Variants in ART1 observed in about 807,000 individuals in gnomAD.
ART1 encodes the protein ADP-ribosyltransferase 1.
A neutral mutation model predicts 27.0 loss-of-function variants in ART1; 29 were observed. The ratio of observed to expected loss-of-function variants is 1.08; its 90% CI spans 0.80 to 1.47. ART1 has a LOEUF of 1.47. Ranked by LOEUF, ART1 falls within the 40% of genes most tolerant of loss-of-function variation. ART1 has a pLI of 0.00. For synonymous variants in ART1, 201 were observed against 172.2 expected, an observed-to-expected ratio of 1.17 and a Z score of -1.31; for missense variants, 480 against 423.0, an observed-to-expected ratio of 1.13 and a Z score of -1.18.
At chr11:3,654,949 G>T (rs1349074989) in intron 1 of ART1, among the ~76,000 whole-genome samples, 1 of 152,236 alleles carries the variant, frequency 6.6e-6, no homozygotes, top group Non-Finnish European at 1.5e-5. Flanking sequence ...GAGACACAAT[G>T]AGAGATACAG....
intron 1 of ART1, among the ~76,000 whole-genome samples, chr11:3,647,452 A>G (rs1296237102): frequency 6.6e-6 from 1 of 152,042 alleles, no homozygotes; most frequent in Non-Finnish European, 1.5e-5. Flanking sequence ...CTTGGTCAAC[A>G]TGGCAAAACC....
In ART1 at chr11:3,658,364, A is replaced by T. The variant is rs546882458; in HGVS notation, c.-52-798A>T. Among the ~76,000 whole-genome samples the T allele has an allele frequency of 6.4e-3, 975 of 151,702 alleles. 9 individuals carry two copies. Among genetic ancestry groups the T allele is most frequent in the Non-Finnish European group, 0.011 (726 of 67,876 alleles). ...AAAAAAAAAAAGAGAGAGAAAGAAA[A>T]AAAAGGAAACTGCCTGCTCCAATCC... On this transcript the variant is annotated intron_variant, in intron 1 of 4. Transcript: ENST00000250693.
chr11:3,656,373 T>TATTG (rs2077574508), intron 1 of ART1, among the ~76,000 whole-genome samples: 1 of 120,666 alleles, frequency 8.3e-6, no homozygotes, highest in African/African-American at 2.5e-5. Flanking sequence ...TTTATTTATT[T>TATTG]ATTTATTTAT....
chr11:3,648,089 C>T (rs1186634157), intron 1 of ART1, among the ~76,000 whole-genome samples: 3 of 152,252 alleles, frequency 2.0e-5, no homozygotes, highest in East Asian at 1.9e-4. Context: ...CAAAAGCTCC[C>T]CTACTGAGCA....
At chr11:3,656,014 C>T (rs1253841895) in intron 1 of ART1, among the ~76,000 whole-genome samples, 1 of 148,024 alleles carries the variant, frequency 6.8e-6, no homozygotes, top group Non-Finnish European at 1.5e-5. Flanking sequence ...GTCACTGCAA[C>T]CTCCACCTCC....
chr11:3,651,058 T>G (rs185198091), intron 1 of ART1, among the ~76,000 whole-genome samples: 4 of 152,234 alleles, frequency 2.6e-5, no homozygotes, highest in African/African-American at 9.6e-5. Context: ...CAGACAAGGC[T>G]TACAGGTTAG....
intron 1 of ART1, among the ~76,000 whole-genome samples, chr11:3,646,353 C>G: frequency 6.6e-6 from 1 of 152,170 alleles, no homozygotes; most frequent in South Asian, 2.1e-4. Context: ...ACCCCTATCT[C>G]ACCCAGCATT....
At chr11:3,646,809 CT>C (rs1443056659) in intron 1 of ART1, among the ~76,000 whole-genome samples, 1 of 152,182 alleles carries the variant, frequency 6.6e-6, no homozygotes, top group African/African-American at 2.4e-5. Flanking sequence ...ACCATTTCCC[CT>C]CCAAACCCGA....
At position 3,663,962 on chromosome 11, in the gene ART1, C is replaced by T. The variant is rs1024624165; in HGVS notation, c.887-130C>T. On this transcript the variant is annotated intron_variant, in intron 4 of 4. Coordinates refer to ENST00000250693, the MANE Select transcript of ART1 (RefSeq NM_004314.3). ...TGTTGCCCGTGGCAGTTTTGTGTAT[C>T]AGTCTGTCCAGCTCACTCTGCCAAT... 21 of 759,438 alleles carry T rather than the reference C, an allele frequency of 2.8e-5. No individual in the cohort carries two copies. In the African/African-American group the frequency reaches 2.8e-4, roughly 10 times the overall value. 47.0% of individuals were successfully genotyped at this position (759,438 alleles called of 1,614,324 possible).
intron 1 of ART1, among the ~76,000 whole-genome samples, chr11:3,651,006 T>A (rs1330325431): frequency 6.6e-6 from 1 of 151,972 alleles, no homozygotes; most frequent in African/African-American, 2.4e-5. Context: ...TTAAAGCCTA[T>A]AAACTCTCCT....
chr11:3,659,485 C>T (rs1023283738), intron 2 of ART1, 98 bp from the exon 3 acceptor site: 39 of 1,437,702 alleles, frequency 2.7e-5, no homozygotes, highest in Non-Finnish European at 3.4e-5. Context: ...TGTTTGGGGC[C>T]CTTCCTGCCT....
chr11:3,648,046 T>C (rs1565037760), intron 1 of ART1, among the ~76,000 whole-genome samples: 1 of 152,200 alleles, frequency 6.6e-6, no homozygotes, highest in East Asian at 1.9e-4. Context: ...TGACATTGTC[T>C]TGTGAAATTC....
chr11:3,646,811 C>A (rs1249805997), intron 1 of ART1, among the ~76,000 whole-genome samples: 1 of 152,172 alleles, frequency 6.6e-6, no homozygotes, highest in African/African-American at 2.4e-5. Flanking sequence ...CATTTCCCCT[C>A]CAAACCCGAT....
intron 1 of ART1, among the ~76,000 whole-genome samples, chr11:3,658,835 T>A (rs1313690112): frequency 6.6e-6 from 1 of 152,180 alleles, no homozygotes; most frequent in African/African-American, 2.4e-5. Context: ...AGATGACATG[T>A]CTTTCTCTCT....
At position 3,659,839 on chromosome 11, in the gene ART1, C is replaced by T. The variant is rs755569275; in HGVS notation, c.320C>T (p.Pro107Leu). ...SLSPTRPSPPPLGFRDEHGVA... is the reference protein window; with the variant it reads ...SLSPTRPSPPLLGFRDEHGVA... ...AGCCCCACCCGTCCATCCCCGCCAC[C>T]CCTGGGCTTCCGCGATGAGCATGGG... Residue 107 changes from proline (P) to leucine (L), a missense_variant, in exon 3 of 5, where the codon CCC becomes CTC. Coordinates refer to ENST00000250693, the MANE Select transcript of ART1 (RefSeq NM_004314.3). 1 of 1,612,372 alleles carries T rather than the reference C, an allele frequency of 6.2e-7. No homozygotes were observed. The highest frequency in any genetic ancestry group is 2.2e-5 in the East Asian group (1 of 44,872).
At chr11:3,648,587 A>T (rs2077488574) in intron 1 of ART1, among the ~76,000 whole-genome samples, 2 of 152,058 alleles carry the variant, frequency 1.3e-5, no homozygotes, top group African/African-American at 4.8e-5. Context: ...TCTGGTAGAG[A>T]CAAAGGAGAC....
In ART1 at chr11:3,659,908, A is replaced by G; in HGVS notation, c.389A>G (p.Glu130Gly). ...ACAGCCAACAGCCCCCTGCACAAGG[A>G]GTTCAATGCAGCCGTGCGTGAGGCG... Reference protein sequence around the residue: ...AYTANSPLHKEFNAAVREAGR... With the variant: ...AYTANSPLHKGFNAAVREAGR... The change falls in exon 3 of 5, where the codon GAG becomes GGG. Residue 130 changes from glutamate (E) to glycine (G), a missense_variant. Physicochemically the swap from Glu to Gly is moderately conservative, Grantham distance 98. Transcript: ENST00000250693. 1 of 1,613,026 alleles carries G rather than the reference A, an allele frequency of 6.2e-7. No homozygotes were observed. Among genetic ancestry groups the G allele is most frequent in the Non-Finnish European group, 8.5e-7 (1 of 1,179,572 alleles).
At chr11:3,663,063 C>CTCA (rs1350488435) in intron 4 of ART1, among the ~76,000 whole-genome samples, 28 of 95,686 alleles carry the variant, frequency 2.9e-4, no homozygotes, top group South Asian at 8.1e-4. Context: ...CTCATCTCAT[C>CTCA]TCATCTCATC....
At chr11:3,663,150 C>CA (rs2077636447) in intron 4 of ART1, among the ~76,000 whole-genome samples, 4 of 140,622 alleles carry the variant, frequency 2.8e-5, no homozygotes, top group South Asian at 2.3e-4. Context: ...TCATCATCAT[C>CA]TCATCTCATC....
Sources: allele counts gnomAD v4.1 joint callset (sites outside exome capture counted in the v4.1 genomes callset), GRCh38; gene constraint gnomAD v4.1.1; transcripts MANE v1.5; gene names NCBI Gene and HGNC (gene_info 2026-07-23, HGNC 2026-07-21).